Variants in TRHDE observed in about 807,000 individuals in gnomAD.
TRHDE encodes thyrotropin-releasing hormone-degrading ectoenzyme.
A neutral mutation model predicts 125.7 loss-of-function variants in TRHDE; 72 were observed. The observed-to-expected ratio is 0.57, with a 90% CI of 0.47 to 0.70. The LOEUF (loss-of-function observed/expected upper bound fraction) is 0.70, where lower values mean the gene tolerates loss of function less well. TRHDE is among the 30% of genes least tolerant of loss of function. The pLI, the probability that TRHDE is intolerant of heterozygous loss-of-function variation, is 0.00. For missense variants in TRHDE, 1,110 were observed against 1,327.1 expected (o/e 0.84, Z 2.54); for synonymous variants, 509 against 509.1 (o/e 1.00, Z 0.00).
intron 2 of TRHDE, among the ~76,000 whole-genome samples, chr12:72,343,218 T>A (rs1870162444): frequency 6.6e-6 from 1 of 152,090 alleles, no homozygotes; most frequent in Admixed American, 6.6e-5. Context: ...TCCCTCAGGA[T>A]ATGTGGGATA....
At chr12:72,581,481 G>A (rs1871223540) in intron 12 of TRHDE, among the ~76,000 whole-genome samples, 1 of 152,072 alleles carries the variant, frequency 6.6e-6, no homozygotes, top group Non-Finnish European at 1.5e-5. Context: ...TATCATCATA[G>A]TCCTCCTTGC....
At chr12:72,380,713 TCC>T (rs1872107422) in intron 3 of TRHDE, among the ~76,000 whole-genome samples, 1 of 123,770 alleles carries the variant, frequency 8.1e-6, no homozygotes, top group African/African-American at 4.1e-5. Flanking sequence ...CTTCCTTCCT[TCC>T]TTCCTTCCTT....
intron 2 of TRHDE, among the ~76,000 whole-genome samples, chr12:72,373,128 A>G (rs1871691773): frequency 6.6e-6 from 1 of 152,084 alleles, no homozygotes; most frequent in East Asian, 1.9e-4. Flanking sequence ...TTGGATTCCT[A>G]GGTATTTTAT....
At chr12:72,343,102 A>C (rs1217410045) in intron 2 of TRHDE, among the ~76,000 whole-genome samples, 3 of 152,154 alleles carry the variant, frequency 2.0e-5, no homozygotes, top group African/African-American at 7.2e-5. Flanking sequence ...ACTTCAGCCT[A>C]TGGTCTTAAT....
intron 2 of TRHDE, among the ~76,000 whole-genome samples, chr12:72,373,355 C>T (rs1437653174): frequency 6.6e-6 from 1 of 152,134 alleles, no homozygotes; most frequent in Non-Finnish European, 1.5e-5. Context: ...ATTTGACTTC[C>T]TCTTTTCCTA....
intron 6 of TRHDE, among the ~76,000 whole-genome samples, chr12:72,512,541 T>TGA (rs1459874161): frequency 7.2e-6 from 1 of 138,084 alleles, no homozygotes; most frequent in African/African-American, 2.7e-5. Context: ...TGATTATATA[T>TGA]ATTCATATAT....
At chr12:72,476,795 T>C (rs981345298) in intron 5 of TRHDE, among the ~76,000 whole-genome samples, 1 of 152,188 alleles carries the variant, frequency 6.6e-6, no homozygotes, top group South Asian at 2.1e-4. Context: ...TTAAGGAGGC[T>C]CTTGTTCTGA....
At chr12:72,430,941 T>C (rs185365798) in intron 3 of TRHDE, among the ~76,000 whole-genome samples, 27 of 152,236 alleles carry the variant, frequency 1.8e-4, no homozygotes, top group Non-Finnish European at 3.2e-4. Context: ...TTTCTCAATA[T>C]TTTATAGTTT....
chr12:72,204,433 C>G (rs1877623825), intron 2 of TRHDE, among the ~76,000 whole-genome samples: 1 of 152,082 alleles, frequency 6.6e-6, no homozygotes, highest in Admixed American at 6.5e-5. Flanking sequence ...TATCTCTTTT[C>G]TCTTACACAT....
chr12:72,387,096 C>T (rs987505719), intron 3 of TRHDE, among the ~76,000 whole-genome samples: 2 of 152,174 alleles, frequency 1.3e-5, no homozygotes, highest in Non-Finnish European at 2.9e-5. Context: ...TTTTCATCTC[C>T]AGCCTGGTTC....
At chr12:72,419,978 A>C (rs1873884185) in intron 3 of TRHDE, among the ~76,000 whole-genome samples, 1 of 152,194 alleles carries the variant, frequency 6.6e-6, no homozygotes, top group African/African-American at 2.4e-5. Flanking sequence ...AGCAAAATAC[A>C]AATTAGCAAA....
chr12:72,245,691 AAACTAT>A (rs1355345585), intron 2 of TRHDE, among the ~76,000 whole-genome samples: 2 of 152,124 alleles, frequency 1.3e-5, no homozygotes, highest in Non-Finnish European at 2.9e-5. Context: ...ATAAAATATC[AAACTAT>A]AAGTATATAA....
intron 3 of TRHDE, among the ~76,000 whole-genome samples, chr12:72,467,977 A>G (rs1876464256): frequency 6.6e-6 from 1 of 152,258 alleles, no homozygotes; most frequent in South Asian, 2.1e-4. Context: ...CAGTAATATT[A>G]TAATCAGTAC....
chr12:72,303,523 A>C (rs1257954453), intron 2 of TRHDE, among the ~76,000 whole-genome samples: 1 of 152,102 alleles, frequency 6.6e-6, no homozygotes, highest in South Asian at 2.1e-4. Context: ...TTCAAAATTC[A>C]CATTTGTGAA....
At chr12:72,628,150 T>G (rs1232257716) in intron 15 of TRHDE, among the ~76,000 whole-genome samples, 4 of 151,846 alleles carry the variant, frequency 2.6e-5, no homozygotes, top group Admixed American at 1.3e-4. Flanking sequence ...CAAAAGAACA[T>G]GCCTCCTACC....
At chr12:72,097,164 T>C (rs1179677652) in intron 1 of TRHDE, among the ~76,000 whole-genome samples, 1 of 152,176 alleles carries the variant, frequency 6.6e-6, no homozygotes, top group Non-Finnish European at 1.5e-5. Flanking sequence ...ATACAATTAA[T>C]AGTGTATACT....
chr12:72,436,628 T>G (rs1300272142), intron 3 of TRHDE, among the ~76,000 whole-genome samples: 1 of 151,932 alleles, frequency 6.6e-6, no homozygotes, highest in East Asian at 1.9e-4. Context: ...ATACTAATGC[T>G]TCCTTTAAGA....
chr12:72,657,533 T>C (rs1874753485), intron 18 of TRHDE, among the ~76,000 whole-genome samples: 1 of 152,300 alleles, frequency 6.6e-6, no homozygotes, highest in Non-Finnish European at 1.5e-5. Flanking sequence ...TGGTAATACA[T>C]ATTGAGATTA....
At chr12:72,533,914 T>C (rs372273689) in intron 6 of TRHDE, among the ~76,000 whole-genome samples, 2 of 152,284 alleles carry the variant, frequency 1.3e-5, no homozygotes, top group South Asian at 2.1e-4. Context: ...TCTCATATTA[T>C]CTTGAATATA....
Sources: allele counts gnomAD v4.1 joint callset (sites outside exome capture counted in the v4.1 genomes callset), GRCh38; gene constraint gnomAD v4.1.1; transcripts MANE v1.5; gene names NCBI Gene and HGNC (gene_info 2026-07-23, HGNC 2026-07-21).